The following CCDC74A variants were observed in gnomAD, a reference collection of about 807,000 sequenced individuals.
The protein encoded by CCDC74A is coiled-coil domain containing 74A.
Under a neutral mutation model 37.6 loss-of-function variants are expected in CCDC74A, and 38 were observed. The observed-to-expected ratio is 1.01, with a 90% CI of 0.78 to 1.33. The LOEUF is 1.33. Among genes scored for constraint, CCDC74A ranks in the 40% most tolerant of loss-of-function variants. The pLI, the probability that CCDC74A is intolerant of heterozygous loss-of-function variation, is 0.00. For missense variants in CCDC74A, 340 were observed against 403.4 expected (o/e 0.84, Z 1.35); for synonymous variants, 134 against 165.2 (o/e 0.81, Z 1.45).
rs151240749 is a variant in CCDC74A, at chr2:131,532,680, C to A, written c.577C>A (p.Pro193Thr). The A allele has an allele frequency of 1.9e-6, 3 of 1,613,218 alleles. No homozygotes were observed. The highest frequency in any genetic ancestry group is 2.5e-6 in the Non-Finnish European group (3 of 1,179,640). Reference sequence around the variant, plus strand: ...GCAGATGGGGGCGGGGGCACACCCCCCAATGATCCTGCCCCTTCCCCTGCG... The same window carrying A: ...GCAGATGGGGGCGGGGGCACACCCCACAATGATCCTGCCCCTTCCCCTGCG... The part of the protein sequence containing the change: ...GRQMGAGAHP[P>T]MILPLPLRKP... Residue 193 changes from proline to threonine, a missense_variant, in exon 5 of 8, where the codon CCA becomes ACA. Pro to Thr is a conservative substitution (Grantham distance 38). Coordinates refer to ENST00000409856, the MANE Select transcript of CCDC74A (RefSeq NM_001258306.3).
upstream of CCDC74A, among the ~76,000 whole-genome samples, chr2:131,527,128 G>A (rs1680366315): frequency 7.4e-6 from 1 of 135,786 alleles, no homozygotes. Flanking sequence ...TTTATTTTTT[G>A]AGACACAGTC....
At chr2:131,525,837 G>C (rs1225403416), upstream of CCDC74A, among the ~76,000 whole-genome samples, 2 of 147,552 alleles carry the variant, frequency 1.4e-5, no homozygotes, top group Admixed American at 1.4e-4. Context: ...TCCTACCTCA[G>C]CTTCCCGAGT....
At chr2:131,529,481 C>T (rs777692477) in intron 1 of CCDC74A, 166 bp from the exon 2 acceptor site, 10 of 910,772 alleles carry the variant, frequency 1.1e-5, no homozygotes, top group Non-Finnish European at 1.6e-5. Context: ...GCCTGACACC[C>T]ACGACGAAGG....
intron 4 of CCDC74A, among the ~76,000 whole-genome samples, chr2:131,532,251 C>T (rs190757805): frequency 3.7e-3 from 478 of 127,630 alleles, no homozygotes; most frequent in Admixed American, 0.034. Context: ...CTTTCAGCAG[C>T]GCAACCAGCA....
At chr2:131,527,195 C>T (rs1680371413), upstream of CCDC74A, among the ~76,000 whole-genome samples, 1 of 151,884 alleles carries the variant, frequency 6.6e-6, no homozygotes, top group Non-Finnish European at 1.5e-5. Context: ...CTGCAACCTC[C>T]ACCTCCTGGG....
Position 131,533,330 on chromosome 2 carries a change from A to T in CCDC74A, c.871A>T (p.Asn291Tyr), listed in dbSNP as rs143516613. 4.7e-4 allele frequency: 759 copies of T among 1,613,512 alleles called. 7 individuals are homozygous for T. The African/African-American group carries it at 9.5e-3, about 20-fold the overall frequency. ...CGCACTGAAGCAGACCCCGAAGAAC[A>T]ACTTTGCCGAGAGGCAGAAGAGGCT... ...LPALKQTPKN[N>Y]FAERQKRLQA... Residue 291 changes from asparagine to tyrosine, a missense_variant, in exon 8 of 8, where the codon AAC becomes TAC. Asn to Tyr is a moderately radical substitution (Grantham distance 143). Around this residue, in one of 3 missense-constraint regions of CCDC74A, gnomAD observed 185 missense variants for 231.5 expected, o/e 0.80. Transcript: ENST00000409856.
At position 131,533,026 on chromosome 2, in the gene CCDC74A, A is replaced by C. The variant is rs781456243; in HGVS notation, c.766A>C (p.Thr256Pro). The change falls in exon 7 of 8, where the codon ACG becomes CCG. Residue 256 changes from threonine (T) to proline (P), a missense_variant. Thr to Pro is a conservative substitution (Grantham distance 38, BLOSUM62 -1). Transcript: ENST00000409856. ...TCCTTCACCCAGGGACCAAGAAGCC[A>C]CGCATTTCCCCAAGGTCTCCACCAA... ...EASFPRDQEATHFPKVSTKSL... is the reference protein window; with the variant it reads ...EASFPRDQEAPHFPKVSTKSL... 10 of 1,613,804 alleles carry C rather than the reference A, an allele frequency of 6.2e-6. No homozygotes were observed. In the East Asian group the frequency reaches 8.9e-5, roughly 14 times the overall value.
At chr2:131,529,505 G>C (rs368234271) in intron 1 of CCDC74A, 142 bp from the exon 2 acceptor site, 1 of 1,102,076 alleles carries the variant, frequency 9.1e-7, no homozygotes, top group Non-Finnish European at 1.4e-6. Flanking sequence ...GGTGGAGAGC[G>C]GGATCCATGG....
At position 131,528,200 on chromosome 2, in the gene CCDC74A, A is replaced by G; in HGVS notation, c.230A>G (p.His77Arg). 6.2e-7 allele frequency: 1 copy of G among 1,613,200 alleles called. No homozygotes were observed. Among genetic ancestry groups the G allele is most frequent in the South Asian group, 1.1e-5 (1 of 90,920 alleles). The stretch of plus-strand genomic sequence containing the variant: ...GCCAAGCTCCATGAGGAGATCGAGC[A>G]TCTGAAGCGGGAAAACAAGGGTGAG... ...MLAKLHEEIE[H>R]LKRENKDLHY... The change falls in exon 1 of 8, where the codon CAT becomes CGT. Residue 77 changes from histidine (H) to arginine (R), a missense_variant. This residue lies in a region of CCDC74A where 154 missense variants were observed against 153.9 expected (regional missense o/e 1.00). Coordinates refer to ENST00000409856, the MANE Select transcript of CCDC74A (RefSeq NM_001258306.3).
chr2:131,528,770 G>C (rs555727077), intron 1 of CCDC74A: 66 of 354,864 alleles, frequency 1.9e-4, no homozygotes, highest in Admixed American at 4.3e-4. Flanking sequence ...GAGATCTTGC[G>C]ACTGCACTCC....
chr2:131,530,754 C>G lies in CCDC74A; in HGVS notation c.296-23C>G, dbSNP rs138376646. 2,586 of 1,612,250 alleles carry G rather than the reference C, an allele frequency of 1.6e-3. 16 individuals are homozygous for G. The African/African-American group carries it at 0.031, about 19-fold the overall frequency. ...GTGGGCGTCTTGCGGGCGGTAGCGC[C>G]GACACTGTGCGCTCTCCTGCAGACA... is the stretch of plus-strand genomic sequence containing the variant. On this transcript the variant is annotated intron_variant, in intron 2 of 7. Transcript: ENST00000409856.
intron 1 of CCDC74A, chr2:131,528,488 A>G (rs60469601): frequency 0.25 from 321,285 of 1,287,530 alleles, 52,240 homozygotes; most frequent in East Asian, 0.68. Flanking sequence ...CTCCTCTCCA[A>G]GCAGGGTCAG....
intron 1 of CCDC74A, 165 bp downstream of exon 1, chr2:131,528,385 C>T: frequency 1.3e-6 from 2 of 1,550,134 alleles, no homozygotes; most frequent in Non-Finnish European, 1.7e-6. Flanking sequence ...CCCCTCCTCC[C>T]AGAGGGAGAC....
upstream of CCDC74A, among the ~76,000 whole-genome samples, chr2:131,523,908 C>G (rs1680212593): frequency 6.6e-6 from 1 of 151,894 alleles, no homozygotes; most frequent in South Asian, 2.1e-4. Flanking sequence ...GGCAGCCCAC[C>G]CTATGGGAAG....
chr2:131,529,370 A>C (rs1026243399), intron 1 of CCDC74A: 1 of 609,290 alleles, frequency 1.6e-6, no homozygotes, highest in Non-Finnish European at 2.9e-6. Flanking sequence ...CCTAAAGCCC[A>C]GGCCCTGCCT....
In CCDC74A at chr2:131,532,665, G is replaced by A. The variant is rs781391784; in HGVS notation, c.562G>A (p.Ala188Thr). Residue 188 changes from alanine to threonine, a missense_variant, in exon 5 of 8, where the codon GCG (alanine) becomes ACG (threonine). By Grantham distance (58) the Ala-to-Thr change is moderately conservative (BLOSUM62 0). Transcript: ENST00000409856. ...CCAGCACCAGGGCAGGCAGATGGGG[G>A]CGGGGGCACACCCCCCAATGATCCT... ...NSQHQGRQMG[A>T]GAHPPMILPL... 19 of 1,612,916 alleles carry A rather than the reference G, an allele frequency of 1.2e-5. No individual in the cohort carries two copies. The East Asian group carries it at 3.1e-4, about 26-fold the overall frequency.
At chr2:131,529,385 A>C in intron 1 of CCDC74A, 1 of 629,118 alleles carries the variant, frequency 1.6e-6, no homozygotes. Flanking sequence ...CTGCCTGGGC[A>C]GTGTGGATGC....
chr2:131,529,934 G>A (rs1019959027), intron 2 of CCDC74A: 2 of 1,502,584 alleles, frequency 1.3e-6, no homozygotes, highest in Non-Finnish European at 1.8e-6. Context: ...GGGGAGGTGG[G>A]CACAGGGTGC....
chr2:131,527,030 ATTT>A (rs35146706), upstream of CCDC74A, among the ~76,000 whole-genome samples: 6 of 136,254 alleles, frequency 4.4e-5, no homozygotes, highest in Admixed American at 7.4e-5. Context: ...CCTGGCTGTG[ATTT>A]TTTTTTTTTT....
Sources: allele counts gnomAD v4.1 joint callset (sites outside exome capture counted in the v4.1 genomes callset), GRCh38; gene constraint gnomAD v4.1.1; regional missense constraint gnomAD v4.1.1; transcripts MANE v1.5; gene names NCBI Gene and HGNC (gene_info 2026-07-23, HGNC 2026-07-21).